The following KHDRBS2 variants were observed in gnomAD, a reference collection of about 807,000 sequenced individuals.
KHDRBS2 encodes the protein KH RNA binding domain containing, signal transduction associated 2.
In KHDRBS2, 26 loss-of-function variants were observed where a neutral mutation model predicts 44.3. That is an observed-to-expected ratio of 0.59 (90% CI 0.43 to 0.81). KHDRBS2 has a LOEUF of 0.81. Ranked by LOEUF, KHDRBS2 falls within the 40% of genes least tolerant of loss-of-function variation. The probability of loss-of-function intolerance (pLI) is 0.00; values close to 1 mark genes in which losing one functional copy is unlikely to be tolerated. For missense variants in KHDRBS2, 476 were observed against 433.1 expected, an observed-to-expected ratio of 1.10 and a Z score of -0.88; for synonymous variants, 194 against 151.1, an observed-to-expected ratio of 1.28 and a Z score of -2.08.
At chr6:61,685,601 T>A (rs947124201) in intron 8 of KHDRBS2, among the ~76,000 whole-genome samples, 5 of 151,858 alleles carry the variant, frequency 3.3e-5, no homozygotes, top group African/African-American at 1.2e-4. Context: ...TTTTACAGAC[T>A]GCCTAGAGTG....
At chr6:61,647,191 T>A in the KHDRBS2 span, among the ~76,000 whole-genome samples, 3 of 152,160 alleles carry the variant, frequency 2.0e-5, no homozygotes, top group African/African-American at 7.2e-5. Flanking sequence ...AGTCTGAGGA[T>A]AAAATAAGAT....
At chr6:62,079,798 T>C (rs1797051128) in intron 2 of KHDRBS2, among the ~76,000 whole-genome samples, 1 of 152,054 alleles carries the variant, frequency 6.6e-6, no homozygotes. Context: ...TTCCACATAA[T>C]TAAATCCAAG....
chr6:61,664,882 T>G, the KHDRBS2 span, among the ~76,000 whole-genome samples: 1 of 151,696 alleles, frequency 6.6e-6, no homozygotes, highest in South Asian at 2.1e-4. Context: ...TAAATAAAGG[T>G]GTGTCTATGG....
At chr6:61,819,266 T>G (rs1789491486) in intron 6 of KHDRBS2, among the ~76,000 whole-genome samples, 1 of 151,994 alleles carries the variant, frequency 6.6e-6, no homozygotes, top group South Asian at 2.1e-4. Flanking sequence ...AATAAGGGAT[T>G]CAGGAAATAA....
chr6:61,848,569 A>ATATACGTG (rs1352889989), intron 6 of KHDRBS2, among the ~76,000 whole-genome samples: 4 of 69,206 alleles, frequency 5.8e-5, no homozygotes, highest in African/African-American at 2.7e-4. Flanking sequence ...ATATGTATAT[A>ATATACGTG]TATATACATA....
intron 1 of KHDRBS2, among the ~76,000 whole-genome samples, chr6:62,193,599 C>A (rs1413956416): frequency 6.6e-6 from 1 of 151,986 alleles, no homozygotes; most frequent in Non-Finnish European, 1.5e-5. Flanking sequence ...GAGAAAGCTC[C>A]TCTAATGCAT....
At chr6:62,136,940 C>G (rs995461740) in intron 2 of KHDRBS2, among the ~76,000 whole-genome samples, 1 of 150,060 alleles carries the variant, frequency 6.7e-6, no homozygotes, top group African/African-American at 2.5e-5. Context: ...TCTATTTGGT[C>G]TGACCATTGG....
chr6:61,924,204 G>T (rs1403068736), intron 4 of KHDRBS2, among the ~76,000 whole-genome samples: 1 of 151,974 alleles, frequency 6.6e-6, no homozygotes, highest in Non-Finnish European at 1.5e-5. Flanking sequence ...ATGAAGGAAA[G>T]ATTCAATATT....
chr6:62,224,297 G>A (rs569154142), intron 1 of KHDRBS2, among the ~76,000 whole-genome samples: 1 of 152,228 alleles, frequency 6.6e-6, no homozygotes, highest in African/African-American at 2.4e-5. Context: ...GAACAGTATG[G>A]AGGAAACTGC....
the KHDRBS2 span, among the ~76,000 whole-genome samples, chr6:61,627,055 C>G: frequency 4.0e-5 from 6 of 151,556 alleles, no homozygotes; most frequent in Non-Finnish European, 8.8e-5. Flanking sequence ...AGATCGAGAC[C>G]ATCCTGGCTA....
chr6:61,615,245 A>AAAAAAAG, the KHDRBS2 span, among the ~76,000 whole-genome samples: 1 of 150,220 alleles, frequency 6.7e-6, no homozygotes, highest in Non-Finnish European at 1.5e-5. Flanking sequence ...AAAAAAAAAA[A>AAAAAAAG]AAAAAAGAAA....
intron 5 of KHDRBS2, among the ~76,000 whole-genome samples, chr6:61,899,138 C>T (rs1212748591): frequency 6.6e-6 from 1 of 151,780 alleles, no homozygotes; most frequent in African/African-American, 2.4e-5. Context: ...GAGCAAAGAC[C>T]TTAAACATTC....
At chr6:61,819,793 C>A (rs1789588631) in intron 6 of KHDRBS2, among the ~76,000 whole-genome samples, 1 of 151,878 alleles carries the variant, frequency 6.6e-6, no homozygotes, top group Non-Finnish European at 1.5e-5. Flanking sequence ...GCAGATGAGG[C>A]AAGATAAGTC....
intron 1 of KHDRBS2, among the ~76,000 whole-genome samples, chr6:62,225,770 G>A (rs1358783487): frequency 6.8e-6 from 1 of 147,656 alleles, no homozygotes; most frequent in African/African-American, 2.5e-5. Context: ...TGCCACTTAT[G>A]AGTGAGAACA....
intron 8 of KHDRBS2, among the ~76,000 whole-genome samples, chr6:61,695,951 G>A (rs1186870575): frequency 6.6e-6 from 1 of 152,034 alleles, no homozygotes; most frequent in Non-Finnish European, 1.5e-5. Context: ...GAGGAATAAA[G>A]TGAACATGGT....
the KHDRBS2 span, among the ~76,000 whole-genome samples, chr6:61,662,599 AG>A: frequency 6.6e-6 from 1 of 152,218 alleles, no homozygotes; most frequent in East Asian, 1.9e-4. Flanking sequence ...GGATATGAAC[AG>A]ACACTTCTCA....
chr6:61,611,598 G>A, the KHDRBS2 span, among the ~76,000 whole-genome samples: 1 of 152,054 alleles, frequency 6.6e-6, no homozygotes, highest in Non-Finnish European at 1.5e-5. Flanking sequence ...TTATGTACAT[G>A]GTGGAATTCA....
rs765588277 is a variant in KHDRBS2, at chr6:61,901,279, G to C, written c.576C>G (p.Gly192=). 2.5e-6 allele frequency: 4 copies of C among 1,613,518 alleles called. No homozygotes were observed. Among genetic ancestry groups the C allele is most frequent in the East Asian group, 4.5e-5 (2 of 44,854 alleles). ...CTGTGGGAGCTATTCTGATCCCTCTGCCTCTAATACCTCTGCCACGACCAG... is the reference window on the plus strand; with the variant it reads ...CTGTGGGAGCTATTCTGATCCCTCTCCCTCTAATACCTCTGCCACGACCAG... ...EDSGRGRGIR[G]RGIRIAPTAP... The change falls in exon 5 of 9, where the codon GGC becomes GGG. Residue 192 remains glycine, a synonymous_variant. Transcript: ENST00000281156.
intron 3 of KHDRBS2, among the ~76,000 whole-genome samples, chr6:62,005,368 T>C (rs1290325018): frequency 1.3e-5 from 2 of 152,078 alleles, no homozygotes; most frequent in African/African-American, 2.4e-5. Context: ...CATCATTATT[T>C]TGAAGCCACT....
Sources: allele counts gnomAD v4.1 joint callset (sites outside exome capture counted in the v4.1 genomes callset), GRCh38; gene constraint gnomAD v4.1.1; transcripts MANE v1.5; gene names NCBI Gene and HGNC (gene_info 2026-07-23, HGNC 2026-07-21).